The following RAB11FIP5 variants were observed in gnomAD, a reference collection of about 807,000 sequenced individuals.
RAB11FIP5 encodes RAB11 family interacting protein 5.
A neutral mutation model predicts 85.1 loss-of-function variants in RAB11FIP5; 48 were observed. That is an observed-to-expected ratio of 0.56 (90% CI 0.45 to 0.72). The LOEUF is 0.72. Ranked by LOEUF, RAB11FIP5 falls within the 30% of genes least tolerant of loss-of-function variation. The pLI, the probability that RAB11FIP5 is intolerant of heterozygous loss-of-function variation, is 0.00. For missense variants in RAB11FIP5, 1,491 were observed against 1,687.0 expected, an observed-to-expected ratio of 0.88 and a Z score of 2.04; for synonymous variants, 729 against 727.3, an observed-to-expected ratio of 1.00 and a Z score of -0.04.
rs542960868 is a variant in RAB11FIP5 at position 73,079,852 on chromosome 2, G to C, written c.3380C>G (p.Pro1127Arg). Residue 1127 changes from proline to arginine, a missense_variant, in exon 4 of 6, where the codon CCC becomes CGC. Transcript: ENST00000486777. Reference protein sequence around the residue: ...HRGGPSPPCSPLSEAWPLTTS... With the variant: ...HRGGPSPPCSRLSEAWPLTTS... ...AGTCAGGGGCCAGGCTTCAGACAGG[G>C]GAGAGCATGGAGGGCTGGGCCCCCC... is the stretch of plus-strand genomic sequence containing the variant. 1 of 1,232,236 alleles carries C rather than the reference G, an allele frequency of 8.1e-7. No homozygotes were observed. The highest frequency in any genetic ancestry group is 1.0e-6 in the Non-Finnish European group (1 of 988,152). 76.3% of individuals were successfully genotyped at this position (1,232,236 alleles called of 1,614,324 possible).
intron 1 of RAB11FIP5, among the ~76,000 whole-genome samples, chr2:73,096,428 G>A (rs938558703): frequency 3.3e-5 from 5 of 152,128 alleles, no homozygotes; most frequent in Non-Finnish European, 7.4e-5. Flanking sequence ...GGGGGCTATG[G>A]GTAGCTGCAG....
At position 73,076,034 on chromosome 2, in the gene RAB11FIP5, C is replaced by T; in HGVS notation, c.3730G>A (p.Ala1244Thr). 6.2e-7 allele frequency: 1 copy of T among 1,614,056 alleles called. No homozygotes were observed. Among genetic ancestry groups the T allele is most frequent in the Non-Finnish European group, 8.5e-7 (1 of 1,179,912 alleles). ...TCCACCATCTGGCCAGCCTGGGGGG[C>T]CTGGGTCACAGGCTGAATGCTCCCA... ...TSGSIQPVTQ[A>T]PQAGQMVDTK... Residue 1244 changes from alanine (A) to threonine (T), a missense_variant, in exon 5 of 6, where the codon GCC becomes ACC. Ala to Thr is a moderately conservative substitution (Grantham distance 58). This residue lies in a region of RAB11FIP5 where 232 missense variants were observed against 259.1 expected (regional missense o/e 0.90). Transcript: ENST00000486777.
Position 73,075,751 on chromosome 2 carries a change from A to T in RAB11FIP5, c.3772-27T>A, listed in dbSNP as rs768174610. 3.8e-6 allele frequency: 6 copies of T among 1,567,282 alleles called. No homozygotes were observed. The Admixed American group carries it at 7.2e-5, about 19-fold the overall frequency. On this transcript the variant is annotated intron_variant, in intron 5 of 5. Coordinates refer to ENST00000486777, the MANE Select transcript of RAB11FIP5 (RefSeq NM_001371272.1). The surrounding 1 kb of genome is among the most constrained non-coding windows in gnomAD (Gnocchi z 4.6). Reference sequence around the variant, plus strand: ...TGAGGCCGGACCGAAGACAGTGAGCAGGGCAGCCCTAGGCCTGCCTGCCTG... The same window carrying T: ...TGAGGCCGGACCGAAGACAGTGAGCTGGGCAGCCCTAGGCCTGCCTGCCTG...
In RAB11FIP5 at chr2:73,075,411, G is replaced by T. The variant is rs1301369953; in HGVS notation, c.*110C>A. Reference sequence around the variant, plus strand: ...GAGGCAGGAGGGAGAGGAGCAAGGAGTGACAAGGCAAGACAGACGATGCCC... The same window carrying T: ...GAGGCAGGAGGGAGAGGAGCAAGGATTGACAAGGCAAGACAGACGATGCCC... On this transcript the variant is annotated 3_prime_UTR_variant, in exon 6 of 6. Transcript: ENST00000486777. The surrounding 1 kb of genome is among the most constrained non-coding windows in gnomAD (Gnocchi z 4.6). The T allele has an allele frequency of 7.1e-6, 8 of 1,134,340 alleles. No individual in the cohort carries two copies. The South Asian group carries it at 7.4e-5, about 10-fold the overall frequency. The allele number at this position is 1,134,340 out of a possible 1,614,324, so 70.3% of individuals were successfully genotyped here. A position where few individuals can be genotyped will look rare whatever the true frequency, so the allele number is the denominator to read the frequency against.
rs992266021 is a variant in RAB11FIP5 at position 73,075,050 on chromosome 2, G to T, written c.*471C>A. On this transcript the variant is annotated 3_prime_UTR_variant, in exon 6 of 6. Transcript: ENST00000486777. This position sits in a 1 kb window ranked among gnomAD's most constrained non-coding sequence, Gnocchi z 4.6. ...CGTAACTCACAGACAAACAGGCAGC[G>T]TGGTCATTGTCCCAGTAATACTAGA... 8 of 361,036 alleles carry T rather than the reference G, an allele frequency of 2.2e-5. No homozygotes were observed. The highest frequency in any genetic ancestry group is 4.4e-5 in the Non-Finnish European group (8 of 183,134). 22.4% of individuals were successfully genotyped at this position (361,036 alleles called of 1,614,324 possible).
At chr2:73,085,726 C>T (rs768469935) in intron 3 of RAB11FIP5, among the ~76,000 whole-genome samples, 1 of 152,170 alleles carries the variant, frequency 6.6e-6, no homozygotes, top group Non-Finnish European at 1.5e-5. Context: ...TCCTTCCCCA[C>T]GGCAGCAGCC....
chr2:73,101,728 T>C (rs902646503), intron 1 of RAB11FIP5, among the ~76,000 whole-genome samples: 5 of 152,092 alleles, frequency 3.3e-5, no homozygotes, highest in African/African-American at 9.7e-5. Flanking sequence ...TGAACACCTG[T>C]GAACTCATCA....
chr2:73,107,612 C>T (rs1033596446), intron 1 of RAB11FIP5, among the ~76,000 whole-genome samples: 1 of 152,126 alleles, frequency 6.6e-6, no homozygotes, highest in African/African-American at 2.4e-5. Flanking sequence ...AGCTGCCCAG[C>T]CTGACTGAGG....
rs76901679 is a variant in RAB11FIP5, at chr2:73,093,663, C to T, written c.432-4348G>A. Among the ~76,000 whole-genome samples the T allele has an allele frequency of 2.7e-3, 415 of 152,340 alleles. 3 individuals are homozygous for T. The highest frequency in any genetic ancestry group is 9.8e-3 in the African/African-American group (406 of 41,588). ...TGGCCCTCAGGTGGGGACAACCATC[C>T]TCTTGGCTGTTGGGAGGCTAAGGCA... On this transcript the variant is annotated intron_variant, in intron 1 of 5. Transcript: ENST00000486777.
chr2:73,081,251 G>A lies in RAB11FIP5; in HGVS notation c.1981C>T (p.Arg661Cys), dbSNP rs961043819. 38 of 1,232,204 alleles carry A rather than the reference G, an allele frequency of 3.1e-5. No homozygotes were observed. The South Asian group carries it at 5.3e-4, about 17-fold the overall frequency. The allele number at this position is 1,232,204 out of a possible 1,614,324, so 76.3% of individuals were successfully genotyped here. The change falls in exon 4 of 6, where the codon CGT becomes TGT. Residue 661 changes from arginine (R) to cysteine (C), a missense_variant. This residue lies in a region of RAB11FIP5 where 1,211 missense variants were observed against 1,338.0 expected (regional missense o/e 0.91). Coordinates refer to ENST00000486777, the MANE Select transcript of RAB11FIP5 (RefSeq NM_001371272.1). The surrounding 1 kb of genome is among the most constrained non-coding windows in gnomAD (Gnocchi z 4.2). ...TFNVFAASRL[R>C]PEARSEILAP... ...AGGATCTCGCTCCTGGCCTCTGGAC[G>A]CAGCCTGCTGGCAGCAAAGACGTTG...
chr2:73,081,446 T>G lies in RAB11FIP5; in HGVS notation c.1786A>C (p.Thr596Pro). ...TGCAAAGAGGTGAGGAACGGGTTGG[T>G]AAGACCCAATAATCCAGGTGGGGTG... ...EATPPGLLGL[T>P]NPFLTSLQSN... Residue 596 changes from threonine (T) to proline (P), a missense_variant, in exon 4 of 6, where the codon ACC becomes CCC. Around this residue, in one of 3 missense-constraint regions of RAB11FIP5, gnomAD observed 1,211 missense variants for 1,338.0 expected, o/e 0.91. Transcript: ENST00000486777. This position sits in a 1 kb window ranked among gnomAD's most constrained non-coding sequence, Gnocchi z 4.2. 8.1e-7 allele frequency: 1 copy of G among 1,232,976 alleles called. No homozygotes were observed. The highest frequency in any genetic ancestry group is 1.0e-6 in the Non-Finnish European group (1 of 988,400). The allele number at this position is 1,232,976 out of a possible 1,614,324, so 76.4% of individuals were successfully genotyped here. A position where few individuals can be genotyped will look rare whatever the true frequency, so the allele number is the denominator to read the frequency against.
chr2:73,080,739 AT>A lies in RAB11FIP5; in HGVS notation c.2492del (p.Asp831ValfsTer19). 1.6e-6 allele frequency: 2 copies of A among 1,232,576 alleles called. No individual in the cohort carries two copies. The highest frequency in any genetic ancestry group is 2.0e-6 in the Non-Finnish European group (2 of 988,086). The allele number at this position is 1,232,576 out of a possible 1,614,324, so 76.4% of individuals were successfully genotyped here. On this transcript the variant is annotated frameshift_variant, in exon 4 of 6. Coordinates refer to ENST00000486777, the MANE Select transcript of RAB11FIP5 (RefSeq NM_001371272.1). LOFTEE classifies it high-confidence loss of function. ...TGGTGACCACATCCCAAGGCCAGGC[AT>A]CATCAGCTGTCTCGACGTCAGGGCA... ...QLCPDVETAD[D>X]AWPWDVVTIS...
Position 73,088,884 on chromosome 2 carries a change from T to A in RAB11FIP5, c.863A>T (p.Glu288Val). The change falls in exon 2 of 6, where the codon GAA becomes GTA. Residue 288 changes from glutamate to valine, a missense_variant. By Grantham distance (121) the Glu-to-Val change is moderately radical (BLOSUM62 -2). Around this residue, in one of 3 missense-constraint regions of RAB11FIP5, gnomAD observed 1,211 missense variants for 1,338.0 expected, o/e 0.91. Coordinates refer to ENST00000486777, the MANE Select transcript of RAB11FIP5 (RefSeq NM_001371272.1). The stretch of plus-strand genomic sequence containing the variant: ...GCGGCCCTGTGCTTGCTCACCCCCT[T>A]CAGTGGACAGCCAGCTGCTACGGCT... ...SPSRSSWLST[E>V]GGRDSAQSPK... 7 of 1,574,224 alleles carry A rather than the reference T, an allele frequency of 4.4e-6. No homozygotes were observed. The highest frequency in any genetic ancestry group is 5.2e-6 in the Non-Finnish European group (6 of 1,160,010).
intron 1 of RAB11FIP5, among the ~76,000 whole-genome samples, chr2:73,094,237 G>T (rs902769940): frequency 3.3e-5 from 5 of 151,730 alleles, no homozygotes; most frequent in Non-Finnish European, 5.9e-5. Flanking sequence ...CTCCCTACCT[G>T]ATCAAGGTTT....
chr2:73,090,367 G>A (rs912841817), intron 1 of RAB11FIP5, among the ~76,000 whole-genome samples: 22 of 152,172 alleles, frequency 1.4e-4, no homozygotes, highest in African/African-American at 5.3e-4. Context: ...AGCAAACTCC[G>A]ATCACACAAG....
Position 73,081,080 on chromosome 2 carries a change from C to T in RAB11FIP5, c.2152G>A (p.Val718Met), listed in dbSNP as rs948491201. The T allele has an allele frequency of 1.6e-5, 20 of 1,231,428 alleles. No homozygotes were observed. The highest frequency in any genetic ancestry group is 1.2e-4 in the South Asian group (3 of 24,320). 76.3% of individuals were successfully genotyped at this position (1,231,428 alleles called of 1,614,324 possible). Residue 718 changes from valine to methionine, a missense_variant, in exon 4 of 6, where the codon GTG (valine) becomes ATG (methionine). Val to Met is a conservative substitution (Grantham distance 21). This residue lies in a region of RAB11FIP5 where 1,211 missense variants were observed against 1,338.0 expected (regional missense o/e 0.91). Coordinates refer to ENST00000486777, the MANE Select transcript of RAB11FIP5 (RefSeq NM_001371272.1). This position sits in a 1 kb window ranked among gnomAD's most constrained non-coding sequence, Gnocchi z 4.2. ...AGAGGAACCCTGGGCTCCAGCCACA[C>T]GCTGCTCCCACCTCTTCCTCCTCCT... ...GGGGGRGGSS[V>M]WLEPRVPLDL...
chr2:73,112,644 T>C lies in RAB11FIP5; in HGVS notation c.134A>G (p.Tyr45Cys). 1 of 1,600,344 alleles carries C rather than the reference T, an allele frequency of 6.2e-7. No individual in the cohort carries two copies. Among genetic ancestry groups the C allele is most frequent in the Non-Finnish European group, 8.5e-7 (1 of 1,175,052 alleles). The change falls in exon 1 of 6, where the codon TAC becomes TGC. Residue 45 changes from tyrosine (Y) to cysteine (C), a missense_variant. By Grantham distance (194) the Tyr-to-Cys change is radical. This residue lies in a region of RAB11FIP5 where 1,211 missense variants were observed against 1,338.0 expected (regional missense o/e 0.91). Coordinates refer to ENST00000486777, the MANE Select transcript of RAB11FIP5 (RefSeq NM_001371272.1). Reference sequence around the variant, plus strand: ...CTCGCGGCCCACCTGGATCACCGTGTACGCGTCGCTGGTGCTGCCCGCTCC... The same window carrying C: ...CTCGCGGCCCACCTGGATCACCGTGCACGCGTCGCTGGTGCTGCCCGCTCC... Reference protein sequence around the residue: ...SSGAGSTSDAYTVIQVGREKY... With the variant: ...SSGAGSTSDACTVIQVGREKY...
chr2:73,080,472 C>G lies in RAB11FIP5; in HGVS notation c.2760G>C (p.Lys920Asn). ...PSRSQEEEEE[K>N]AAVGLSNRGP... ...CCCTGTTACTCAGCCCCACTGCGGCCTTCTCCTCCTCCTCCTCCTGGGATC... is the reference window on the plus strand; with the variant it reads ...CCCTGTTACTCAGCCCCACTGCGGCGTTCTCCTCCTCCTCCTCCTGGGATC... Residue 920 changes from lysine (K) to asparagine (N), a missense_variant, in exon 4 of 6, where the codon AAG (lysine) becomes AAC (asparagine). Physicochemically the swap from Lys to Asn is moderately conservative, Grantham distance 94. Coordinates refer to ENST00000486777, the MANE Select transcript of RAB11FIP5 (RefSeq NM_001371272.1). 8.1e-7 allele frequency: 1 copy of G among 1,233,722 alleles called. No homozygotes were observed. Among genetic ancestry groups the G allele is most frequent in the Non-Finnish European group, 1.0e-6 (1 of 988,846 alleles). 76.4% of individuals were successfully genotyped at this position (1,233,722 alleles called of 1,614,324 possible).
At chr2:73,085,630 G>T (rs1001532437) in intron 3 of RAB11FIP5, among the ~76,000 whole-genome samples, 1 of 152,174 alleles carries the variant, frequency 6.6e-6, no homozygotes, top group Admixed American at 6.5e-5. Context: ...TAGGGGCCCA[G>T]TGTGACTGCC....
Sources: gnomAD v4.1 joint callset for allele counts (sites outside exome capture counted in the v4.1 genomes callset) on GRCh38, gnomAD v4.1.1 for gene constraint, gnomAD v4.1.1 regional missense constraint, Gnocchi (gnomAD v3.1) non-coding constraint, MANE v1.5 for transcripts, NCBI Gene and HGNC (gene_info 2026-07-23, HGNC 2026-07-21) for gene names.